Variants in EFNA5 observed in about 807,000 individuals in gnomAD.
The protein encoded by EFNA5 is ephrin-A5.
EFNA5 carries 5 observed loss-of-function variants against 22.9 expected under a neutral mutation model. The observed-to-expected ratio is 0.22, with a 90% CI of 0.11 to 0.46. The LOEUF (loss-of-function observed/expected upper bound fraction) is 0.46. Among genes scored for constraint, EFNA5 ranks in the 20% least tolerant of loss-of-function variants. The pLI is 0.99. For missense variants in EFNA5, 237 were observed against 293.3 expected (o/e 0.81, Z 1.40); for synonymous variants, 113 against 112.2 (o/e 1.01, Z -0.04).
At chr5:107,601,188 C>T (rs1287996430) in intron 1 of EFNA5, among the ~76,000 whole-genome samples, 1 of 152,124 alleles carries the variant, frequency 6.6e-6, no homozygotes, top group African/African-American at 2.4e-5. Flanking sequence ...AAATCAGGAC[C>T]ATTCGTACTA....
chr5:107,468,131 T>C (rs1219526845), intron 1 of EFNA5, among the ~76,000 whole-genome samples: 1 of 152,232 alleles, frequency 6.6e-6, no homozygotes, highest in East Asian at 1.9e-4. Flanking sequence ...AAATGTGCTT[T>C]AAAACATGTT....
chr5:107,482,693 T>A (rs1750502508), intron 1 of EFNA5, among the ~76,000 whole-genome samples: 1 of 152,040 alleles, frequency 6.6e-6, no homozygotes, highest in Non-Finnish European at 1.5e-5. Context: ...ATACAGGGTA[T>A]TAGAGAAGGA....
intron 1 of EFNA5, among the ~76,000 whole-genome samples, chr5:107,593,297 C>T (rs995905865): frequency 6.6e-6 from 1 of 152,212 alleles, no homozygotes. Context: ...CTGCCCAGCA[C>T]AGGACCGGAC....
At chr5:107,641,259 G>C (rs1750503485) in intron 1 of EFNA5, among the ~76,000 whole-genome samples, 1 of 151,826 alleles carries the variant, frequency 6.6e-6, no homozygotes, top group South Asian at 2.1e-4. Context: ...TCGGGAGGCT[G>C]AGGAGCAGGA....
At chr5:107,652,748 G>C (rs1267501231) in intron 1 of EFNA5, among the ~76,000 whole-genome samples, 1 of 152,104 alleles carries the variant, frequency 6.6e-6, no homozygotes, top group Non-Finnish European at 1.5e-5. Flanking sequence ...AAATGTACGG[G>C]ATGGTTTTCA....
chr5:107,407,272 C>T (rs1412535484), intron 2 of EFNA5, among the ~76,000 whole-genome samples: 10 of 152,028 alleles, frequency 6.6e-5, no homozygotes, highest in Admixed American at 3.3e-4. Context: ...CTGATTAGCC[C>T]GAAAACGTCT....
chr5:107,553,242 A>ATGGGAC (rs1748337603), intron 1 of EFNA5, among the ~76,000 whole-genome samples: 1 of 152,228 alleles, frequency 6.6e-6, no homozygotes, highest in Non-Finnish European at 1.5e-5. Flanking sequence ...ATGACTAACA[A>ATGGGAC]TGGGACGAGC....
intron 1 of EFNA5, among the ~76,000 whole-genome samples, chr5:107,428,894 C>T (rs1043493417): frequency 6.6e-6 from 1 of 152,224 alleles, no homozygotes. Flanking sequence ...TCAAATTCCT[C>T]TTCTGCAAGG....
chr5:107,477,841 A>T (rs1287639845), intron 1 of EFNA5, among the ~76,000 whole-genome samples: 1 of 152,134 alleles, frequency 6.6e-6, no homozygotes, highest in Non-Finnish European at 1.5e-5. Context: ...AAATTATGCA[A>T]ATCAATATAC....
At chr5:107,401,019 T>C (rs1312402755) in intron 2 of EFNA5, among the ~76,000 whole-genome samples, 1 of 152,216 alleles carries the variant, frequency 6.6e-6, no homozygotes, top group Admixed American at 6.5e-5. Context: ...ACATGTAGTA[T>C]AGTAAATAAA....
At chr5:107,562,629 A>G (rs899441122) in intron 1 of EFNA5, among the ~76,000 whole-genome samples, 5 of 152,218 alleles carry the variant, frequency 3.3e-5, no homozygotes, top group African/African-American at 1.2e-4. Context: ...AAAGAAGCTG[A>G]GCATCATTTT....
At chr5:107,459,907 T>C (rs554910858) in intron 1 of EFNA5, among the ~76,000 whole-genome samples, 12 of 152,146 alleles carry the variant, frequency 7.9e-5, no homozygotes, top group African/African-American at 2.9e-4. Context: ...CAGGGTCAGC[T>C]AGACAGCAGC....
chr5:107,392,832 G>A (rs889518764), intron 2 of EFNA5, among the ~76,000 whole-genome samples: 1 of 152,150 alleles, frequency 6.6e-6, no homozygotes, highest in African/African-American at 2.4e-5. Flanking sequence ...CTCAACAACT[G>A]GATCCCTTAC....
chr5:107,436,071 G>A (rs1238656655), intron 1 of EFNA5, among the ~76,000 whole-genome samples: 1 of 152,162 alleles, frequency 6.6e-6, no homozygotes, highest in Non-Finnish European at 1.5e-5. Flanking sequence ...CAGATAGATA[G>A]ATAAAATTCA....
chr5:107,507,133 T>C (rs1021239593), intron 1 of EFNA5, among the ~76,000 whole-genome samples: 1 of 152,088 alleles, frequency 6.6e-6, no homozygotes, highest in Admixed American at 6.5e-5. Flanking sequence ...AAAACTTTTG[T>C]TCAAAAATAA....
chr5:107,650,279 G>A (rs1702005165), intron 1 of EFNA5, among the ~76,000 whole-genome samples: 2 of 152,110 alleles, frequency 1.3e-5, no homozygotes, highest in African/African-American at 4.8e-5. Context: ...GGTACATAAT[G>A]GATAAAGTGT....
intron 2 of EFNA5, among the ~76,000 whole-genome samples, chr5:107,408,741 A>T (rs769187576): frequency 8.5e-5 from 13 of 152,086 alleles, no homozygotes; most frequent in Non-Finnish European, 1.8e-4. Flanking sequence ...GTGAGCTCTG[A>T]CCCTTATGCA....
chr5:107,423,566 A>T (rs1748727828), intron 2 of EFNA5, among the ~76,000 whole-genome samples: 1 of 152,186 alleles, frequency 6.6e-6, no homozygotes. Context: ...TGAATTTTTT[A>T]AAATTACTGT....
intron 2 of EFNA5, among the ~76,000 whole-genome samples, chr5:107,414,820 T>C (rs1748461426): frequency 6.6e-6 from 1 of 151,930 alleles, no homozygotes; most frequent in Non-Finnish European, 1.5e-5. Flanking sequence ...TTAATATAAA[T>C]ATCATAAAAA....
Sources: allele counts gnomAD v4.1 joint callset (sites outside exome capture counted in the v4.1 genomes callset), GRCh38; gene constraint gnomAD v4.1.1; transcripts MANE v1.5; gene names NCBI Gene and HGNC (gene_info 2026-07-23, HGNC 2026-07-21).